Variants in CADPS observed in about 807,000 individuals in gnomAD.
CADPS encodes calcium dependent secretion activator, also known as calcium-dependent secretion activator 1.
Under a neutral mutation model 167.3 loss-of-function variants are expected in CADPS, and 57 were observed. The observed-to-expected ratio is 0.34, with a 90% CI of 0.28 to 0.42. The LOEUF is 0.42. Ranked by LOEUF, CADPS falls within the 20% of genes least tolerant of loss-of-function variation. CADPS has a pLI of 1.00. For missense variants in CADPS, 1,414 were observed against 1,738.1 expected (o/e 0.81, Z 3.32); for synonymous variants, 676 against 635.3 (o/e 1.06, Z -0.96).
chr3:62,645,912 AC>A (rs1177805118), intron 5 of CADPS, 69 bp from the exon 6 acceptor site: 1 of 1,574,708 alleles, frequency 6.4e-7, no homozygotes. Context: ...AGAGGAAAAT[AC>A]ACAAATGAGA....
At chr3:62,594,153 TTTTTTTTATTTATTTATTTA>T (rs1282811346) in intron 6 of CADPS, among the ~76,000 whole-genome samples, 6 of 135,442 alleles carry the variant, frequency 4.4e-5, no homozygotes, top group South Asian at 2.5e-4. Flanking sequence ...ATTTTTTTTA[TTTTTTTTATTTATTTATTTA>T]TTTTTTGAGA....
intron 8 of CADPS, among the ~76,000 whole-genome samples, chr3:62,579,810 T>C (rs6445280): frequency 0.034 from 4,222 of 125,776 alleles, 191 homozygotes; most frequent in African/African-American, 0.14. Flanking sequence ...CTGACTTGTG[T>C]TTTTTAAAAA....
At chr3:62,550,596 G>A (rs867182455) in intron 10 of CADPS, among the ~76,000 whole-genome samples, 5 of 152,018 alleles carry the variant, frequency 3.3e-5, no homozygotes, top group Admixed American at 6.6e-5. Context: ...CAGTACGTCC[G>A]GAACAGAGCT....
intron 3 of CADPS, among the ~76,000 whole-genome samples, chr3:62,727,872 T>C (rs2077034715): frequency 6.6e-6 from 1 of 151,940 alleles, no homozygotes; most frequent in Non-Finnish European, 1.5e-5. Flanking sequence ...GAAAATGTTC[T>C]GGCTGATAGT....
intron 1 of CADPS, among the ~76,000 whole-genome samples, chr3:62,786,705 G>A (rs139660616): frequency 0.023 from 3,472 of 152,084 alleles, 62 homozygotes; most frequent in South Asian, 0.061. Context: ...CTAAAGTATT[G>A]TAAATCATCT....
chr3:62,669,416 C>A (rs998715920), intron 3 of CADPS, among the ~76,000 whole-genome samples: 1 of 152,232 alleles, frequency 6.6e-6, no homozygotes. Context: ...CAGTTCCCAA[C>A]CAGGAGATGG....
At chr3:62,769,248 CA>C (rs1282985514) in intron 1 of CADPS, among the ~76,000 whole-genome samples, 1 of 148,544 alleles carries the variant, frequency 6.7e-6, no homozygotes, top group East Asian at 2.0e-4. Context: ...TTAAAACAAA[CA>C]AAAAAACAGA....
In CADPS at chr3:62,421,679, G is replaced by C. The variant is rs1018545561; in HGVS notation, c.3777+16425C>G. The stretch of plus-strand genomic sequence containing the variant: ...TTTCCCCCCAAAGGAGGGGGAAGGG[G>C]GGACTTTGCCCAAGCCAAGGATTTG... On this transcript the variant is annotated intron_variant, in intron 28 of 29. Coordinates refer to ENST00000383710, the MANE Select transcript of CADPS (RefSeq NM_003716.4). This position sits in a 1 kb window ranked among gnomAD's most constrained non-coding sequence, Gnocchi z 4.7. 1.3e-5 allele frequency among the ~76,000 whole-genome samples: 2 copies of C among 152,204 alleles called. No homozygotes were observed. Among genetic ancestry groups the C allele is most frequent in the Non-Finnish European group, 2.9e-5 (2 of 68,038 alleles).
chr3:62,656,782 G>A (rs1173210523), intron 4 of CADPS, among the ~76,000 whole-genome samples: 2 of 152,218 alleles, frequency 1.3e-5, no homozygotes, highest in East Asian at 3.9e-4. Context: ...AGGCACTTTG[G>A]GCTCAGGCAT....
At chr3:62,784,293 G>T (rs1471479722) in intron 1 of CADPS, among the ~76,000 whole-genome samples, 1 of 152,082 alleles carries the variant, frequency 6.6e-6, no homozygotes, top group African/African-American at 2.4e-5. Flanking sequence ...GGATGTTAAG[G>T]TACCAATACA....
chr3:62,715,377 T>TCTAC (rs1412442615), intron 3 of CADPS, among the ~76,000 whole-genome samples: 6 of 132,970 alleles, frequency 4.5e-5, no homozygotes, highest in South Asian at 4.9e-4. Context: ...TATCTACCTA[T>TCTAC]CTATCTATCT....
intron 9 of CADPS, among the ~76,000 whole-genome samples, chr3:62,558,289 C>T (rs1201899737): frequency 1.3e-5 from 2 of 152,214 alleles, no homozygotes; most frequent in Admixed American, 1.3e-4. Context: ...ACAAACCATG[C>T]CAGTGCAGGG....
chr3:62,860,254 G>A (rs2080525002), intron 1 of CADPS, among the ~76,000 whole-genome samples: 1 of 152,206 alleles, frequency 6.6e-6, no homozygotes, highest in Non-Finnish European at 1.5e-5. Flanking sequence ...TTGGTAAACA[G>A]TGTAGTGTTC....
At chr3:62,507,488 G>A (rs2066908042) in intron 17 of CADPS, among the ~76,000 whole-genome samples, 1 of 152,000 alleles carries the variant, frequency 6.6e-6, no homozygotes, top group Admixed American at 6.6e-5. Flanking sequence ...CTGGTGTCTG[G>A]CATAGCTCCT....
chr3:62,416,994 T>A (rs1223476415), intron 28 of CADPS, among the ~76,000 whole-genome samples: 1 of 151,324 alleles, frequency 6.6e-6, no homozygotes, highest in Non-Finnish European at 1.5e-5. Context: ...CAGGTGATCC[T>A]CCCACCTCAG....
intron 1 of CADPS, among the ~76,000 whole-genome samples, chr3:62,813,697 A>G (rs2094487526): frequency 6.6e-6 from 1 of 152,170 alleles, no homozygotes; most frequent in Non-Finnish European, 1.5e-5. Flanking sequence ...GGTATTTGTG[A>G]ACTACTCATT....
chr3:62,522,851 A>G (rs1315568387), intron 13 of CADPS, among the ~76,000 whole-genome samples: 1 of 152,198 alleles, frequency 6.6e-6, no homozygotes, highest in East Asian at 1.9e-4. Context: ...TATGCAGGTC[A>G]AGCGCAGTCA....
intron 6 of CADPS, among the ~76,000 whole-genome samples, chr3:62,638,886 T>TA (rs1446988587): frequency 6.6e-6 from 1 of 152,154 alleles, no homozygotes; most frequent in Non-Finnish European, 1.5e-5. Context: ...TTGGAGAAGT[T>TA]GGAAAGCTTG....
chr3:62,635,758 A>G (rs974347644), intron 6 of CADPS, among the ~76,000 whole-genome samples: 2 of 151,566 alleles, frequency 1.3e-5, no homozygotes, highest in East Asian at 3.9e-4. Context: ...CTTTATGGTC[A>G]TCAGTACTCT....
Sources: gnomAD v4.1 joint callset for allele counts (sites outside exome capture counted in the v4.1 genomes callset) on GRCh38, gnomAD v4.1.1 for gene constraint, Gnocchi (gnomAD v3.1) non-coding constraint, MANE v1.5 for transcripts, NCBI Gene and HGNC (gene_info 2026-07-23, HGNC 2026-07-21) for gene names.